FAAP20: variants seen among roughly 807,000 people sequenced by gnomAD.
The protein encoded by FAAP20 is Fanconi anemia core complex-associated protein 20.
Under a neutral mutation model 16.2 loss-of-function variants are expected in FAAP20, and 12 were observed. The observed-to-expected ratio is 0.74, with a 90% CI of 0.48 to 1.20. The LOEUF (loss-of-function observed/expected upper bound fraction) is 1.20. FAAP20 is among the 50% of genes most tolerant of loss of function. FAAP20 has a pLI of 0.00. For synonymous variants in FAAP20, 141 were observed against 110.7 expected (o/e 1.27, Z -1.72); for missense variants, 288 against 245.8 (o/e 1.17, Z -1.15).
At chr1:2,189,154 ACC>A (rs1687876615), downstream of FAAP20, among the ~76,000 whole-genome samples, 1 of 151,422 alleles carries the variant, frequency 6.6e-6, no homozygotes, top group East Asian at 1.9e-4. Context: ...ACATGGCAAG[ACC>A]CCTCCATCTG....
At chr1:2,189,121 G>C (rs566624069), downstream of FAAP20, among the ~76,000 whole-genome samples, 76 of 151,934 alleles carry the variant, frequency 5.0e-4, no homozygotes, top group African/African-American at 1.8e-3. Flanking sequence ...CTTGGGCCTA[G>C]GAGTTCGAGA....
chr1:2,211,426 TA>T (rs1557797907), downstream of FAAP20, among the ~76,000 whole-genome samples: 6 of 32,836 alleles, frequency 1.8e-4, no homozygotes, highest in African/African-American at 9.5e-4. Flanking sequence ...TATATATATA[TA>T]TATATATATT....
chr1:2,190,415 T>C (rs1446287911), intron 3 of FAAP20: 1 of 446,994 alleles, frequency 2.2e-6, no homozygotes, highest in Non-Finnish European at 4.6e-6. Flanking sequence ...CCCATCCGAG[T>C]CCTGCAGGTC....
At chr1:2,192,634 T>C in intron 3 of FAAP20, 1 of 1,174,112 alleles carries the variant, frequency 8.5e-7, no homozygotes, top group Non-Finnish European at 1.1e-6. Flanking sequence ...CTGTCCGTGA[T>C]TCAGGGTCTT....
chr1:2,195,559 C>T (rs1572123841), upstream of FAAP20, among the ~76,000 whole-genome samples: 2 of 152,396 alleles, frequency 1.3e-5, no homozygotes, highest in East Asian at 3.9e-4. Context: ...TTGGCAGTTT[C>T]TGCCCTGCCC....
At chr1:2,198,281 G>A (rs1688904388), upstream of FAAP20, 2 of 859,298 alleles carry the variant, frequency 2.3e-6, no homozygotes, top group Admixed American at 6.0e-5. Context: ...AGGTGATCGA[G>A]TGGGTGGGGG....
chr1:2,191,240 G>A (rs959290702), intron 3 of FAAP20: 1 of 152,550 alleles, frequency 6.6e-6, no homozygotes, highest in East Asian at 1.9e-4. Context: ...ACCCCCGCCT[G>A]TGGCGGAAGA....
chr1:2,210,159 C>T (rs1036812770), downstream of FAAP20, among the ~76,000 whole-genome samples: 9 of 152,222 alleles, frequency 5.9e-5, no homozygotes, highest in East Asian at 1.9e-4. Context: ...CTGCCTGCCT[C>T]GTGCCCAGAC....
chr1:2,198,659 C>T, upstream of FAAP20: 1 of 1,217,520 alleles, frequency 8.2e-7, no homozygotes, highest in South Asian at 1.4e-5. Context: ...CCGACAGGCA[C>T]CCTGGGCACA....
At chr1:2,186,796 TC>T (rs1208590994), downstream of FAAP20, 2 of 156,830 alleles carry the variant, frequency 1.3e-5, no homozygotes, top group Non-Finnish European at 2.8e-5. Context: ...CAAACTGCTT[TC>T]CATGAGCCTC....
upstream of FAAP20, chr1:2,200,905 G>C: frequency 8.9e-7 from 1 of 1,119,396 alleles, no homozygotes. Flanking sequence ...GAGTCCCCAG[G>C]GAAGGTCTGG....
At chr1:2,186,606 C>T (rs765330496), downstream of FAAP20, among the ~76,000 whole-genome samples, 2 of 151,688 alleles carry the variant, frequency 1.3e-5, no homozygotes. Flanking sequence ...GTTAGAAACC[C>T]CAGGGCAGAG....
downstream of FAAP20, among the ~76,000 whole-genome samples, chr1:2,187,617 T>A (rs1687741735): frequency 6.6e-6 from 1 of 152,238 alleles, no homozygotes; most frequent in Non-Finnish European, 1.5e-5. Flanking sequence ...AGCCATTTTC[T>A]TAAGTAGGCA....
At chr1:2,190,247 G>A (rs1282543315) in intron 3 of FAAP20, 1 of 457,256 alleles carries the variant, frequency 2.2e-6, no homozygotes, top group African/African-American at 2.0e-5. Context: ...TGGTGTTTCT[G>A]GCGAGGAGGG....
upstream of FAAP20, chr1:2,203,541 T>C (rs1485640452): frequency 1.0e-6 from 1 of 985,908 alleles, no homozygotes; most frequent in Non-Finnish European, 1.2e-6. Flanking sequence ...TAGGCAGCTC[T>C]GGAGCTGGCT....
downstream of FAAP20, among the ~76,000 whole-genome samples, chr1:2,188,665 T>G (rs552189920): frequency 2.0e-5 from 3 of 152,266 alleles, no homozygotes; most frequent in African/African-American, 2.4e-5. Flanking sequence ...CAGGAGCCTT[T>G]CCTTTTCATA....
upstream of FAAP20, among the ~76,000 whole-genome samples, chr1:2,202,283 A>G (rs1374377392): frequency 6.6e-6 from 1 of 152,052 alleles, no homozygotes; most frequent in Non-Finnish European, 1.5e-5. Flanking sequence ...TGCCCTCCAT[A>G]TGTGCCACCG....
At chr1:2,204,887 GCCCTCAAGCCCCGC>G (rs201685233), upstream of FAAP20, among the ~76,000 whole-genome samples, 17,221 of 62,706 alleles carry the variant, frequency 0.27, 2,502 homozygotes, top group African/African-American at 0.53. Context: ...CCCACGCCCC[GCCCTCAAGCCCCGC>G]CCCTCAAGCC....
downstream of FAAP20, among the ~76,000 whole-genome samples, chr1:2,188,802 A>C (rs974897626): frequency 2.0e-5 from 3 of 151,192 alleles, no homozygotes; most frequent in Non-Finnish European, 4.4e-5. Context: ...TCAGGAGATC[A>C]AGACCATCCT....
Sources: allele counts gnomAD v4.1 joint callset (sites outside exome capture counted in the v4.1 genomes callset), GRCh38; gene constraint gnomAD v4.1.1; transcripts MANE v1.5; gene names NCBI Gene and HGNC (gene_info 2026-07-23, HGNC 2026-07-21).